The following PHACTR1 variants were observed in gnomAD, a reference collection of about 807,000 sequenced individuals.
The protein encoded by PHACTR1 is phosphatase and actin regulator 1.
Under a neutral mutation model 69.2 loss-of-function variants are expected in PHACTR1, and 16 were observed. The observed-to-expected ratio is 0.23, with a 90% confidence interval of 0.16 to 0.35. The LOEUF (loss-of-function observed/expected upper bound fraction) is 0.35. Among genes scored for constraint, PHACTR1 ranks in the 10% least tolerant of loss-of-function variants. The pLI is 1.00. For synonymous variants in PHACTR1, 312 were observed against 284.5 expected (o/e 1.10, Z -0.97); for missense variants, 510 against 734.7 (o/e 0.69, Z 3.54).
At chr6:12,784,319 CACAT>C (rs1481742270) in intron 4 of PHACTR1, among the ~76,000 whole-genome samples, 1 of 150,358 alleles carries the variant, frequency 6.7e-6, no homozygotes, top group Non-Finnish European at 1.5e-5. Flanking sequence ...TATCTATACA[CACAT>C]ATACATGATG....
chr6:12,993,512 A>G lies in PHACTR1; in HGVS notation c.251-59853A>G, dbSNP rs114938312. Among the ~76,000 whole-genome samples the G allele has an allele frequency of 4.0e-3, 610 of 152,288 alleles. 6 individuals carry two copies. Among genetic ancestry groups the G allele is most frequent in the African/African-American group, 0.014 (567 of 41,556 alleles). ...CGGAGGGCTGGAGTTTCAATTCTCA[A>G]TTTAAGGGCAGAGATGTGACAGGCT... On this transcript the variant is annotated intron_variant, in intron 4 of 14. Coordinates refer to ENST00000332995, the MANE Select transcript of PHACTR1 (RefSeq NM_030948.6).
chr6:13,117,431 A>G (rs1817975264), intron 5 of PHACTR1, among the ~76,000 whole-genome samples: 2 of 152,214 alleles, frequency 1.3e-5, no homozygotes, highest in African/African-American at 4.8e-5. Context: ...GAATAATCTC[A>G]GTGGACTATT....
chr6:13,244,051 C>G (rs1296864662), intron 10 of PHACTR1, among the ~76,000 whole-genome samples: 2 of 152,078 alleles, frequency 1.3e-5, no homozygotes, highest in Non-Finnish European at 2.9e-5. Context: ...AGGTTCTTTT[C>G]TAGTTTCCCT....
At chr6:12,884,561 C>T (rs1039847600) in intron 4 of PHACTR1, among the ~76,000 whole-genome samples, 4 of 152,184 alleles carry the variant, frequency 2.6e-5, no homozygotes, top group Admixed American at 2.0e-4. Context: ...CCACCACACC[C>T]GGCTAATTTT....
At chr6:12,922,501 C>A (rs1334202339) in intron 4 of PHACTR1, among the ~76,000 whole-genome samples, 2 of 152,188 alleles carry the variant, frequency 1.3e-5, no homozygotes, top group Non-Finnish European at 2.9e-5. Flanking sequence ...AAGTTCTCAT[C>A]CTAACCTAAA....
rs759356648 is a variant in PHACTR1, at chr6:13,178,399, C to CCTTTACT, written c.497-4114_497-4108dup. Among the ~76,000 whole-genome samples, 55 of 152,214 alleles carry CCTTTACT rather than the reference C, an allele frequency of 3.6e-4. 1 individual carries two copies. Among genetic ancestry groups the CCTTTACT allele is most frequent in the Non-Finnish European group, 6.8e-4 (46 of 68,034 alleles). ...AATTACACTGCAGTTTCTCTTGGCT[C>CCTTTACT]CTTTACTCTTTATCCTTAATTCAGT... is the stretch of plus-strand genomic sequence containing the variant. On this transcript the variant is annotated intron_variant, in intron 6 of 14. Coordinates refer to ENST00000332995, the MANE Select transcript of PHACTR1 (RefSeq NM_030948.6).
intron 4 of PHACTR1, among the ~76,000 whole-genome samples, chr6:12,795,274 C>T (rs1772833133): frequency 6.6e-6 from 1 of 152,154 alleles, no homozygotes. Flanking sequence ...GACATGTGTA[C>T]TTTGCAGTCT....
At chr6:13,273,115 C>T (rs1778122576) in intron 11 of PHACTR1, 200 bp downstream of exon 11, 4 of 679,002 alleles carry the variant, frequency 5.9e-6, no homozygotes, top group Non-Finnish European at 7.1e-6. Flanking sequence ...CCACTTTATT[C>T]TTTAGAAGCT....
At chr6:12,728,392 C>T (rs565862782) in intron 3 of PHACTR1, among the ~76,000 whole-genome samples, 5 of 152,204 alleles carry the variant, frequency 3.3e-5, no homozygotes, top group South Asian at 2.1e-4. Flanking sequence ...ATTTCTTTCA[C>T]GTACCTTTGG....
chr6:12,948,165 C>T (rs1790882285), intron 4 of PHACTR1, among the ~76,000 whole-genome samples: 1 of 152,136 alleles, frequency 6.6e-6, no homozygotes, highest in African/African-American at 2.4e-5. Flanking sequence ...GGTAATCTGG[C>T]CAGTAGGTGA....
rs192960093 is a variant in PHACTR1 at position 12,790,383 on chromosome 6, C to T, written c.250+40593C>T. On this transcript the variant is annotated intron_variant, in intron 4 of 14. Coordinates refer to ENST00000332995, the MANE Select transcript of PHACTR1 (RefSeq NM_030948.6). Reference sequence around the variant, plus strand: ...TAGAGGCTTTTCACTTTTGTTCCCTCTGCCTGGAATGCTCTTTTCCAGGTA... The same window carrying T: ...TAGAGGCTTTTCACTTTTGTTCCCTTTGCCTGGAATGCTCTTTTCCAGGTA... 1.4e-3 allele frequency among the ~76,000 whole-genome samples: 212 copies of T among 152,300 alleles called. 1 individual carries two copies. Among genetic ancestry groups the T allele is most frequent in the African/African-American group, 4.1e-3 (170 of 41,562 alleles).
chr6:12,950,348 G>T (rs574242202), intron 4 of PHACTR1, among the ~76,000 whole-genome samples: 2 of 152,204 alleles, frequency 1.3e-5, no homozygotes, highest in South Asian at 2.1e-4. Context: ...TTTTATGATG[G>T]CATCTCTGCA....
rs376361925 is a variant in PHACTR1 at position 13,278,296 on chromosome 6, G to A, written c.1476G>A (p.Glu492=). 1.0e-5 allele frequency: 16 copies of A among 1,600,038 alleles called. No homozygotes were observed. The South Asian group carries it at 1.2e-4, about 12-fold the overall frequency. The change falls in exon 12 of 15, where the codon GAG becomes GAA. Residue 492 remains glutamate (E), a synonymous_variant. Transcript: ENST00000332995. ...KPRNEQEEQE[E]KREIKRRLTR... ...GGAATGAACAAGAGGAACAGGAGGAGAAGAGAGAGATCAAGAGGAGGCTAA... is the reference window on the plus strand; with the variant it reads ...GGAATGAACAAGAGGAACAGGAGGAAAAGAGAGAGATCAAGAGGAGGCTAA...
intron 4 of PHACTR1, among the ~76,000 whole-genome samples, chr6:12,917,479 G>C (rs759071610): frequency 6.6e-6 from 1 of 152,180 alleles, no homozygotes; most frequent in Non-Finnish European, 1.5e-5. Flanking sequence ...CAGGCCAGGC[G>C]CAGTGGCTCA....
intron 13 of PHACTR1, among the ~76,000 whole-genome samples, chr6:13,284,120 T>G (rs887137513): frequency 6.6e-6 from 1 of 152,226 alleles, no homozygotes. Flanking sequence ...AATCATTTTC[T>G]CTGTCCACCA....
At chr6:13,026,960 GTCT>G (rs1801784449) in intron 4 of PHACTR1, among the ~76,000 whole-genome samples, 1 of 152,114 alleles carries the variant, frequency 6.6e-6, no homozygotes, top group Non-Finnish European at 1.5e-5. Context: ...AAGTCTGCAT[GTCT>G]TAAGCAAAGG....
chr6:13,104,936 G>A (rs891868462), intron 5 of PHACTR1, among the ~76,000 whole-genome samples: 1 of 152,140 alleles, frequency 6.6e-6, no homozygotes, highest in Non-Finnish European at 1.5e-5. Flanking sequence ...TATGATTTTG[G>A]AGAGCATTTG....
At chr6:12,763,430 G>T (rs151263125) in intron 4 of PHACTR1, among the ~76,000 whole-genome samples, 4 of 152,220 alleles carry the variant, frequency 2.6e-5, no homozygotes, top group African/African-American at 7.2e-5. Context: ...CTGTTGTAAA[G>T]CTACCTCATA....
At chr6:12,790,181 A>G (rs1221656815) in intron 4 of PHACTR1, among the ~76,000 whole-genome samples, 1 of 152,150 alleles carries the variant, frequency 6.6e-6, no homozygotes, top group African/African-American at 2.4e-5. Flanking sequence ...CCCTTGGTCA[A>G]TTCCTAATTT....
Sources: allele counts gnomAD v4.1 joint callset (sites outside exome capture counted in the v4.1 genomes callset), GRCh38; gene constraint gnomAD v4.1.1; transcripts MANE v1.5; gene names NCBI Gene and HGNC (gene_info 2026-07-23, HGNC 2026-07-21).